The following MKLN1 variants were observed in gnomAD, a reference collection of about 807,000 sequenced individuals.
The protein encoded by MKLN1 is muskelin.
Under a neutral mutation model 99.0 loss-of-function variants are expected in MKLN1, and 18 were observed. That is an observed-to-expected ratio of 0.18 (90% CI 0.13 to 0.27). The LOEUF (loss-of-function observed/expected upper bound fraction) is 0.27, where lower values mean the gene tolerates loss of function less well. Ranked by LOEUF, MKLN1 falls within the 10% of genes least tolerant of loss-of-function variation. The pLI, the probability that MKLN1 is intolerant of heterozygous loss-of-function variation, is 1.00. For missense variants in MKLN1, 621 were observed against 875.9 expected (o/e 0.71, Z 3.67); for synonymous variants, 288 against 293.2 (o/e 0.98, Z 0.18).
At chr7:131,280,030 A>G (rs1798028445) in intron 3 of MKLN1, among the ~76,000 whole-genome samples, 3 of 152,126 alleles carry the variant, frequency 2.0e-5, no homozygotes, top group African/African-American at 7.2e-5. Context: ...GGATTTGCCT[A>G]TTCTGGACAT....
At chr7:131,243,419 A>G (rs74718542) in intron 3 of MKLN1, among the ~76,000 whole-genome samples, 3,142 of 152,278 alleles carry the variant, frequency 0.021, 48 homozygotes, top group South Asian at 0.053. Flanking sequence ...TCAAAACCTC[A>G]TGTGTTACCC....
chr7:131,117,507 C>G (rs1795296533), intron 1 of MKLN1, among the ~76,000 whole-genome samples: 1 of 151,936 alleles, frequency 6.6e-6, no homozygotes, highest in Non-Finnish European at 1.5e-5. Context: ...AGATAGGCAG[C>G]TGTTAAAAGT....
Position 131,479,549 on chromosome 7 carries a change from GGGCGTGGT to G in MKLN1, c.2086+876_2086+883del, listed in dbSNP as rs1460344105. On this transcript the variant is annotated intron_variant, in intron 17 of 17. Transcript: ENST00000352689. ...TGTCTTTAAAAATAAAAAATAGGCC[GGGCGTGGT>G]GGCTCATGCCTGTAATCCCAGCACT... is the stretch of plus-strand genomic sequence containing the variant. Among the ~76,000 whole-genome samples, 8 of 149,940 alleles carry G rather than the reference GGGCGTGGT, an allele frequency of 5.3e-5. No individual in the cohort carries two copies. The East Asian group carries it at 1.4e-3, about 27-fold the overall frequency.
chr7:131,219,374 G>C (rs528513927), intron 3 of MKLN1, among the ~76,000 whole-genome samples: 2 of 152,222 alleles, frequency 1.3e-5, no homozygotes, highest in East Asian at 3.9e-4. Context: ...TACACAACAG[G>C]ACAAAGGCCA....
chr7:131,466,930 C>T (rs898562000), intron 15 of MKLN1, among the ~76,000 whole-genome samples: 9 of 152,064 alleles, frequency 5.9e-5, no homozygotes, highest in East Asian at 1.9e-4. Flanking sequence ...CACACGCGCG[C>T]GCGCGCACAC....
intron 8 of MKLN1, among the ~76,000 whole-genome samples, chr7:131,426,261 T>C (rs1245854213): frequency 6.6e-6 from 1 of 152,192 alleles, no homozygotes; most frequent in Non-Finnish European, 1.5e-5. Flanking sequence ...GGAAGGGTTA[T>C]TAAAGTTAAT....
rs904518062 is a variant in MKLN1, at chr7:131,495,781, T to A, written c.*8053T>A. On this transcript the variant is annotated 3_prime_UTR_variant, in exon 18 of 18. Transcript: ENST00000352689. ...CCTGAACTCTGGGTGTAAAATGTTA[T>A]CCAGAAGCTATAGGGAGCTGCCTTG... The A allele has an allele frequency of 6.6e-6, 1 of 152,232 alleles. No homozygotes were observed. The highest frequency in any genetic ancestry group is 1.5e-5 in the Non-Finnish European group (1 of 68,052). The allele number at this position is 152,232 out of a possible 1,614,324, so 9.4% of individuals were successfully genotyped here. A position where few individuals can be genotyped will look rare whatever the true frequency, so the allele number is the denominator to read the frequency against.
rs188982724 is a variant in MKLN1 at position 131,479,072 on chromosome 7, C to T, written c.2086+395C>T. 281 of 166,480 alleles carry T rather than the reference C, an allele frequency of 1.7e-3. 2 individuals carry two copies. Among genetic ancestry groups the T allele is most frequent in the African/African-American group, 6.0e-3 (253 of 41,974 alleles). 10.3% of individuals were successfully genotyped at this position (166,480 alleles called of 1,614,324 possible). ...GAATTGTGTGTCGTCAAGAGAATAG[C>T]GATGGGGTAGGCAATGTTTTGGGAG... On this transcript the variant is annotated intron_variant, in intron 17 of 17. Transcript: ENST00000352689.
In MKLN1 at chr7:131,313,648, G is replaced by T. The variant is rs575036607; in HGVS notation, c.-178-61776G>T. ...AAGGAGGAGTTTGGGTGTGTTGGAA[G>T]AAAATTAAAAATGGATGCCAAGGTA... On this transcript the variant is annotated intron_variant, in intron 3 of 7. Transcript: ENST00000416992. Among the ~76,000 whole-genome samples, 124 of 152,304 alleles carry T rather than the reference G, an allele frequency of 8.1e-4. 1 individual carries two copies. In the Middle Eastern group the frequency reaches 0.014, roughly 17 times the overall value.
At chr7:131,413,714 A>G (rs537960222) in intron 7 of MKLN1, among the ~76,000 whole-genome samples, 8 of 151,922 alleles carry the variant, frequency 5.3e-5, no homozygotes, top group South Asian at 2.1e-4. Context: ...TAATTTTTGT[A>G]TTTTAGTAGA....
intron 1 of MKLN1, among the ~76,000 whole-genome samples, chr7:131,336,999 T>A (rs1254936083): frequency 6.6e-6 from 1 of 152,178 alleles, no homozygotes; most frequent in African/African-American, 2.4e-5. Flanking sequence ...AGTTCTACAT[T>A]ATTAGCTGTT....
Position 131,139,608 on chromosome 7 carries a change from G to A in MKLN1, c.-418-3212G>A, listed in dbSNP as rs146876377. Reference sequence around the variant, plus strand: ...TCCCTCTGACTGGTCCTGATACATGGGCTGTGACAAGAAGTGAGAGATAGT... The same window carrying A: ...TCCCTCTGACTGGTCCTGATACATGAGCTGTGACAAGAAGTGAGAGATAGT... On this transcript the variant is annotated intron_variant, in intron 1 of 7. Transcript: ENST00000416992. Among the ~76,000 whole-genome samples, 272 of 152,256 alleles carry A rather than the reference G, an allele frequency of 1.8e-3. 1 individual carries two copies. The highest frequency in any genetic ancestry group is 6.1e-3 in the African/African-American group (252 of 41,544).
intron 3 of MKLN1, among the ~76,000 whole-genome samples, chr7:131,265,632 T>C (rs575802502): frequency 6.6e-6 from 1 of 152,128 alleles, no homozygotes; most frequent in African/African-American, 2.4e-5. Flanking sequence ...TGTGGCTGGG[T>C]CTATGTGAAT....
intron 1 of MKLN1, among the ~76,000 whole-genome samples, chr7:131,355,444 C>T (rs939112497): frequency 6.6e-6 from 1 of 151,646 alleles, no homozygotes; most frequent in South Asian, 2.1e-4. Flanking sequence ...TTTACTTATA[C>T]ATACATATAT....
At chr7:131,173,222 G>C (rs1035182297) in intron 2 of MKLN1, among the ~76,000 whole-genome samples, 2 of 151,658 alleles carry the variant, frequency 1.3e-5, no homozygotes, top group South Asian at 2.1e-4. Flanking sequence ...GAGTGACGAA[G>C]TACCTGACGT....
At chr7:131,289,618 T>C (rs192487725) in intron 3 of MKLN1, among the ~76,000 whole-genome samples, 66 of 152,344 alleles carry the variant, frequency 4.3e-4, no homozygotes, top group Non-Finnish European at 7.6e-4. Flanking sequence ...ACAGACCACC[T>C]GAGTTCCAAT....
chr7:131,402,405 A>T (rs1299597673), intron 6 of MKLN1, among the ~76,000 whole-genome samples: 1 of 152,200 alleles, frequency 6.6e-6, no homozygotes, highest in Admixed American at 6.6e-5. Flanking sequence ...AGCCTTTAAC[A>T]CTTTCCACAT....
At position 131,487,158 on chromosome 7, in the gene MKLN1, T is replaced by C. The variant is rs1311480755; in HGVS notation, c.2087-449T>C. ...GACCTCTTTCATTTTGATTTTATTATATTTTTGTTACTAAAAAACTTTTTT... is the reference window on the plus strand; with the variant it reads ...GACCTCTTTCATTTTGATTTTATTACATTTTTGTTACTAAAAAACTTTTTT... On this transcript the variant is annotated intron_variant, in intron 17 of 17. Coordinates refer to ENST00000352689, the MANE Select transcript of MKLN1 (RefSeq NM_013255.5). The surrounding 1 kb of genome is among the most constrained non-coding windows in gnomAD (Gnocchi z 4.7). 6.6e-6 allele frequency among the ~76,000 whole-genome samples: 1 copy of C among 152,156 alleles called. No homozygotes were observed. Among genetic ancestry groups the C allele is most frequent in the Non-Finnish European group, 1.5e-5 (1 of 68,020 alleles).
intron 8 of MKLN1, among the ~76,000 whole-genome samples, chr7:131,415,587 T>A (rs996156596): frequency 4.6e-5 from 7 of 152,218 alleles, no homozygotes; most frequent in African/African-American, 1.4e-4. Flanking sequence ...GGTTTGAGAC[T>A]GTTATTAGGG....
Sources: allele counts gnomAD v4.1 joint callset (sites outside exome capture counted in the v4.1 genomes callset), GRCh38; gene constraint gnomAD v4.1.1; non-coding constraint Gnocchi (gnomAD v3.1); transcripts MANE v1.5; gene names NCBI Gene and HGNC (gene_info 2026-07-23, HGNC 2026-07-21).